Variants in TEP1 observed in about 807,000 individuals in gnomAD.
TEP1 encodes the protein telomerase protein component 1.
TEP1 carries 241 observed loss-of-function variants against 306.3 expected under a neutral mutation model. That is an observed-to-expected ratio of 0.79 (90% CI 0.71 to 0.88). The LOEUF (loss-of-function observed/expected upper bound fraction) is 0.88. Ranked by LOEUF, TEP1 falls within the 40% of genes least tolerant of loss-of-function variation. The pLI is 0.00. For missense variants in TEP1, 3,051 were observed against 3,276.1 expected (o/e 0.93, Z 1.68); for synonymous variants, 1,289 against 1,305.5 (o/e 0.99, Z 0.27).
Position 20,403,883 on chromosome 14 carries a change from C to T in TEP1, c.1034G>A (p.Ser345Asn). 6.2e-7 allele frequency: 1 copy of T among 1,614,118 alleles called. No homozygotes were observed. The highest frequency in any genetic ancestry group is 1.3e-5 in the African/African-American group (1 of 75,024). Residue 345 changes from serine (S) to asparagine (N), a missense_variant and splice_region_variant, in exon 6 of 55, where the codon AGC becomes AAC. Coordinates refer to ENST00000262715, the MANE Select transcript of TEP1 (RefSeq NM_007110.5). ...DWIQVAELYQ[S>N]LAEGDKNKLV... The stretch of plus-strand genomic sequence containing the variant: ...CTTATTCTTATCTCCCTCAGCCAGG[C>T]TCTGTCAAAGAGAGAGGAGAGACCA...
Position 20,403,364 on chromosome 14 carries a change from A to G in TEP1, c.1266+13T>C. ...GTACATGCACATATACAACCCCAGA[A>G]GAAGGGACTCACCTTTCTCTGCTCT... On this transcript the variant is annotated intron_variant, in intron 7 of 54. Coordinates refer to ENST00000262715, the MANE Select transcript of TEP1 (RefSeq NM_007110.5). 3.1e-6 allele frequency: 5 copies of G among 1,613,964 alleles called. No homozygotes were observed. The highest frequency in any genetic ancestry group is 4.2e-6 in the Non-Finnish European group (5 of 1,179,974).
rs576278403 is a variant in TEP1, at chr14:20,378,163, C to T, written c.5582G>A (p.Arg1861Gln). 8.7e-5 allele frequency: 140 copies of T among 1,613,868 alleles called. No individual in the cohort carries two copies. The South Asian group carries it at 1.2e-3, about 14-fold the overall frequency. ...NVPGGVVAVGRLDSMVELWAW... is the reference protein window; with the variant it reads ...NVPGGVVAVGQLDSMVELWAW... ...CCACAGCTCCACCATACTGTCCAGC[C>T]GGCCCACAGCCACAACCCCCCCAGG... is the stretch of plus-strand genomic sequence containing the variant. The change falls in exon 39 of 55, where the codon CGG becomes CAG. Residue 1861 changes from arginine (R) to glutamine (Q), a missense_variant. By Grantham distance (43) the Arg-to-Gln change is conservative. Around this residue, in one of 3 missense-constraint regions of TEP1, gnomAD observed 1,540 missense variants for 1,705.9 expected, o/e 0.90. Transcript: ENST00000262715.
At position 20,408,355 on chromosome 14, in the gene TEP1, G is replaced by GT. The variant is rs775554150; in HGVS notation, c.84dup (p.Gln29ThrfsTer29). On this transcript the variant is annotated frameshift_variant, in exon 2 of 55. Transcript: ENST00000262715. LOFTEE classifies it high-confidence loss of function. ...TGCTGATGTAGTTTCTCCAAGGGCTGTAAGTCAGGGAGCATAGCCAGGCAC... is the reference window on the plus strand; with the variant it reads ...TGCTGATGTAGTTTCTCCAAGGGCTGTTAAGTCAGGGAGCATAGCCAGGCAC... 6.8e-6 allele frequency: 11 copies of GT among 1,610,920 alleles called. No individual in the cohort carries two copies. The South Asian group carries it at 1.2e-4, about 18-fold the overall frequency.
In TEP1 at chr14:20,389,759, G is replaced by A; in HGVS notation, c.2335-19C>T. On this transcript the variant is annotated intron_variant, in intron 15 of 54. Coordinates refer to ENST00000262715, the MANE Select transcript of TEP1 (RefSeq NM_007110.5). ...TGTCCACCTGTAAGATGAAAAGGGA[G>A]AAGATGCTAGAGAAGGGATGCTAGA... 6.2e-7 allele frequency: 1 copy of A among 1,613,620 alleles called. No homozygotes were observed. The highest frequency in any genetic ancestry group is 8.5e-7 in the Non-Finnish European group (1 of 1,179,722).
chr14:20,376,186 TCAGTGC>T lies in TEP1; in HGVS notation c.6161_6166del (p.Gly2054_Thr2055del). Reference sequence around the variant, plus strand: ...CACAGGGCCCTCATGTCCCCGCAGCTCAGTGCCACAGGGAAAGTCTTCTGCCTTGTG... The same window carrying T: ...CACAGGGCCCTCATGTCCCCGCAGCTCACAGGGAAAGTCTTCTGCCTTGTG... On this transcript the variant is annotated inframe_deletion, in exon 42 of 55. Transcript: ENST00000262715. The T allele has an allele frequency of 6.2e-7, 1 of 1,614,162 alleles. No individual in the cohort carries two copies. Among genetic ancestry groups the T allele is most frequent in the Middle Eastern group, 1.6e-4 (1 of 6,062 alleles).
intron 1 of TEP1, among the ~76,000 whole-genome samples, chr14:20,412,455 T>A (rs145715378): frequency 6.6e-6 from 1 of 152,270 alleles, no homozygotes; most frequent in African/African-American, 2.4e-5. Flanking sequence ...TAAAGTTCCG[T>A]CCCCACTTCC....
intron 13 of TEP1, among the ~76,000 whole-genome samples, chr14:20,391,364 G>C (rs920656708): frequency 1.3e-5 from 2 of 152,144 alleles, no homozygotes; most frequent in Admixed American, 6.5e-5. Context: ...AATTTAGAGA[G>C]TACCAAGTAC....
At position 20,381,209 on chromosome 14, in the gene TEP1, G is replaced by T. The variant is rs1876491017; in HGVS notation, c.4647+104C>A. ...GAAAGAGGTCAAGGGAGTTTGGGAGGGGTAATGGCGGCGGTGATGGTGGAG... is the reference window on the plus strand; with the variant it reads ...GAAAGAGGTCAAGGGAGTTTGGGAGTGGTAATGGCGGCGGTGATGGTGGAG... On this transcript the variant is annotated intron_variant, in intron 32 of 54. Transcript: ENST00000262715. This position sits in a 1 kb window ranked among gnomAD's most constrained non-coding sequence, Gnocchi z 4.0. 1.6e-6 allele frequency: 2 copies of T among 1,284,394 alleles called. No individual in the cohort carries two copies. The highest frequency in any genetic ancestry group is 2.4e-5 in the South Asian group (2 of 84,068). The allele number at this position is 1,284,394 out of a possible 1,614,324, so 79.6% of individuals were successfully genotyped here. A position where few individuals can be genotyped will look rare whatever the true frequency, so the allele number is the denominator to read the frequency against.
chr14:20,391,912 CTGGTG>C, intron 12 of TEP1, 145 bp from the exon 13 acceptor site: 1 of 826,534 alleles, frequency 1.2e-6, no homozygotes, highest in South Asian at 1.7e-5. Context: ...CACTCCATTT[CTGGTG>C]TAGAGGACTG....
chr14:20,369,189 T>C (rs565471148), intron 53 of TEP1, among the ~76,000 whole-genome samples, 155 bp downstream of exon 53: 32 of 152,208 alleles, frequency 2.1e-4, no homozygotes, highest in African/African-American at 7.7e-4. Flanking sequence ...TTGTATTTTT[T>C]AGTAGAGATG....
chr14:20,377,556 C>T lies in TEP1; in HGVS notation c.5875+44G>A, dbSNP rs372939145. ...GAAGGGGTAGGGGGCAGGGGCTGCG[C>T]TCTTTCTAAAGGCTCAAAAACCCAC... On this transcript the variant is annotated intron_variant, in intron 40 of 54. Transcript: ENST00000262715. The T allele has an allele frequency of 2.7e-5, 43 of 1,613,456 alleles. No individual in the cohort carries two copies. The Admixed American group carries it at 3.3e-4, about 13-fold the overall frequency.
chr14:20,398,748 G>C (rs2319193), intron 9 of TEP1, among the ~76,000 whole-genome samples: 4 of 151,908 alleles, frequency 2.6e-5, no homozygotes, highest in Non-Finnish European at 5.9e-5. Flanking sequence ...AGGCCAGGCC[G>C]GTCAGTCCGT....
rs560009498 is a variant in TEP1, at chr14:20,374,481, C to T, written c.6419G>A (p.Arg2140Gln). The T allele has an allele frequency of 2.2e-5, 35 of 1,613,654 alleles. No homozygotes were observed. The East Asian group carries it at 2.9e-4, about 13-fold the overall frequency. Residue 2140 changes from arginine (R) to glutamine (Q), a missense_variant, in exon 44 of 55, where the codon CGG becomes CAG. Physicochemically the swap from Arg to Gln is conservative, Grantham distance 43. Transcript: ENST00000262715. ...VGLWDPESGQ[R>Q]LGQFLGHQSA... ...CTGATGACCCAGGAACTGACCAAGCCGCTGTCCTGACTCTGGGTCCCAGAG... is the reference window on the plus strand; with the variant it reads ...CTGATGACCCAGGAACTGACCAAGCTGCTGTCCTGACTCTGGGTCCCAGAG...
intron 26 of TEP1, 21 bp from the exon 27 acceptor site, chr14:20,383,374 G>A (rs763174088): frequency 1.9e-6 from 3 of 1,601,052 alleles, no homozygotes; most frequent in Non-Finnish European, 2.6e-6. Flanking sequence ...TGGGCAAAGG[G>A]GCAGGAAGGT....
intron 51 of TEP1, 39 bp downstream of exon 51, chr14:20,371,179 A>G: frequency 6.4e-7 from 1 of 1,568,134 alleles, no homozygotes; most frequent in South Asian, 1.1e-5. Context: ...CTGGTCCTAG[A>G]CGAATGTTTG....
Position 20,391,038 on chromosome 14 carries a change from A to C in TEP1, c.2156T>G (p.Val719Gly). ...GTCACCTCCACACAGCACGACGTCC[A>C]CCTGCTCCGCCCTCGTGATCATCAT... ...IGMMITRAEQ[V>G]DVVLCGGDTL... Residue 719 changes from valine (V) to glycine (G), a missense_variant, in exon 14 of 55, where the codon GTG becomes GGG. Val to Gly is a moderately radical substitution (Grantham distance 109). Transcript: ENST00000262715. 2 of 1,614,112 alleles carry C rather than the reference A, an allele frequency of 1.2e-6. No individual in the cohort carries two copies. Among genetic ancestry groups the C allele is most frequent in the Non-Finnish European group, 1.7e-6 (2 of 1,180,010 alleles).
At position 20,408,326 on chromosome 14, in the gene TEP1, T is replaced by C. The variant is rs1246306468; in HGVS notation, c.114A>G (p.Val38=). Residue 38 remains valine (V), a synonymous_variant, in exon 2 of 55, where the codon GTA becomes GTG. Coordinates refer to ENST00000262715, the MANE Select transcript of TEP1 (RefSeq NM_007110.5). Reference sequence around the variant, plus strand: ...AGGAGAGGATATCTGAGTGGGTAGATACATGCTGATGTAGTTTCTCCAAGG... The same window carrying C: ...AGGAGAGGATATCTGAGTGGGTAGACACATGCTGATGTAGTTTCTCCAAGG... The part of the protein sequence containing the change: ...LQPLEKLHQH[V]STHSDILSLK... 1.2e-6 allele frequency: 2 copies of C among 1,610,574 alleles called. No individual in the cohort carries two copies. Among genetic ancestry groups the C allele is most frequent in the South Asian group, 2.2e-5 (2 of 90,978 alleles).
intron 8 of TEP1, 29 bp downstream of exon 8, chr14:20,401,428 G>A: frequency 6.2e-7 from 1 of 1,611,974 alleles, no homozygotes; most frequent in Non-Finnish European, 8.5e-7. Context: ...TACTTAGATG[G>A]AATGCATGCT....
intron 28 of TEP1, 133 bp from the exon 29 acceptor site, chr14:20,382,489 G>A (rs1297311004): frequency 5.2e-6 from 8 of 1,527,688 alleles, no homozygotes; most frequent in African/African-American, 1.4e-5. Context: ...GGAGGGAAGT[G>A]AGGCGAGGTA....
Sources: allele counts gnomAD v4.1 joint callset (sites outside exome capture counted in the v4.1 genomes callset), GRCh38; gene constraint gnomAD v4.1.1; regional missense constraint gnomAD v4.1.1; non-coding constraint Gnocchi (gnomAD v3.1); transcripts MANE v1.5; gene names NCBI Gene and HGNC (gene_info 2026-07-23, HGNC 2026-07-21).